Variants in MAML3 observed in about 807,000 individuals in gnomAD.
MAML3 encodes the protein mastermind like transcriptional coactivator 3, also known as mastermind-like protein 3.
In MAML3, 27 loss-of-function variants were observed where a neutral mutation model predicts 101.9. That is an observed-to-expected ratio of 0.27 (90% CI 0.20 to 0.37). The LOEUF (loss-of-function observed/expected upper bound fraction) is 0.37. Ranked by LOEUF, MAML3 falls within the 10% of genes least tolerant of loss-of-function variation. The pLI is 1.00. For missense variants in MAML3, 1,316 were observed against 1,444.9 expected (o/e 0.91, Z 1.45); for synonymous variants, 501 against 555.9 (o/e 0.90, Z 1.39).
intron 1 of MAML3, among the ~76,000 whole-genome samples, chr4:140,137,189 C>T (rs965003217): frequency 2.1e-4 from 32 of 152,028 alleles, no homozygotes; most frequent in East Asian, 9.6e-4. Flanking sequence ...GGGATTTCAC[C>T]GTGTTAGCCA....
intron 1 of MAML3, among the ~76,000 whole-genome samples, chr4:140,092,094 A>ATATACG (rs1728066951): frequency 1.5e-5 from 2 of 133,856 alleles, no homozygotes; most frequent in South Asian, 4.8e-4. Context: ...ATACGTATAT[A>ATATACG]TATATATACG....
chr4:139,772,019 C>T (rs1729996888), intron 2 of MAML3, among the ~76,000 whole-genome samples: 2 of 150,134 alleles, frequency 1.3e-5, no homozygotes, highest in Admixed American at 6.6e-5. Context: ...GTGGGCGGAT[C>T]ACGAGGTCAG....
chr4:140,104,665 G>A (rs1470768690), intron 1 of MAML3, among the ~76,000 whole-genome samples: 2 of 149,988 alleles, frequency 1.3e-5, no homozygotes, highest in Admixed American at 1.3e-4. Context: ...GTTAATTTTT[G>A]TGTTTTTTGT....
At chr4:139,806,834 G>T (rs1730708547) in intron 2 of MAML3, among the ~76,000 whole-genome samples, 1 of 152,106 alleles carries the variant, frequency 6.6e-6, no homozygotes. Flanking sequence ...ACCAAATGCT[G>T]TTGGATTTAA....
At chr4:139,778,666 T>C (rs1198466085) in intron 2 of MAML3, among the ~76,000 whole-genome samples, 1 of 152,200 alleles carries the variant, frequency 6.6e-6, no homozygotes, top group Non-Finnish European at 1.5e-5. Context: ...TATAAGGCCC[T>C]TGTGGTTCCA....
chr4:139,996,997 C>T (rs1457756185), intron 1 of MAML3, among the ~76,000 whole-genome samples: 1 of 151,630 alleles, frequency 6.6e-6, no homozygotes, highest in Non-Finnish European at 1.5e-5. Flanking sequence ...TCAGAGGTTG[C>T]AAAGAGCCAA....
intron 1 of MAML3, among the ~76,000 whole-genome samples, chr4:140,062,429 G>C (rs1445189683): frequency 6.6e-6 from 1 of 152,114 alleles, no homozygotes; most frequent in Non-Finnish European, 1.5e-5. Context: ...TCTTGGGGCA[G>C]GGCCACGCTA....
At chr4:139,775,974 A>C (rs965316846) in intron 2 of MAML3, among the ~76,000 whole-genome samples, 5 of 152,226 alleles carry the variant, frequency 3.3e-5, no homozygotes, top group African/African-American at 1.2e-4. Flanking sequence ...GCCAAATAAT[A>C]ATAAGATAAG....
chr4:140,140,195 G>A (rs1197121567), intron 1 of MAML3, among the ~76,000 whole-genome samples: 3 of 152,058 alleles, frequency 2.0e-5, no homozygotes, highest in Non-Finnish European at 4.4e-5. Context: ...ATGGTGGCAC[G>A]CACCTGTAGT....
At position 139,798,062 on chromosome 4, in the gene MAML3, AAGAAAGAAAGAAAG is replaced by A. The variant is rs904946036; in HGVS notation, c.2080-67409_2080-67396del. 1.0e-4 allele frequency among the ~76,000 whole-genome samples: 15 copies of A among 149,894 alleles called. No homozygotes were observed. The East Asian group carries it at 1.4e-3, about 14-fold the overall frequency. ...AAAGAAAGAAAGAAAGAAAGAAAGA[AAGAAAGAAAGAAAG>A]AAAGAAAGAAAGAAAGAAAAGGGAT... is the stretch of plus-strand genomic sequence containing the variant. On this transcript the variant is annotated intron_variant, in intron 2 of 4. Transcript: ENST00000509479.
At chr4:139,841,962 G>T (rs17050932) in intron 2 of MAML3, among the ~76,000 whole-genome samples, 5,735 of 152,250 alleles carry the variant, frequency 0.038, 360 homozygotes, top group African/African-American at 0.13. Context: ...TCAGGAAAGG[G>T]CTTTGACAAA....
chr4:140,124,696 C>A (rs1728658619), intron 1 of MAML3, among the ~76,000 whole-genome samples: 1 of 152,264 alleles, frequency 6.6e-6, no homozygotes, highest in African/African-American at 2.4e-5. Flanking sequence ...TTTACCAGAC[C>A]TATTTGCAAT....
chr4:139,743,822 CT>C (rs1192833784), intron 2 of MAML3, among the ~76,000 whole-genome samples: 11 of 152,154 alleles, frequency 7.2e-5, no homozygotes, highest in Non-Finnish European at 2.9e-5. Flanking sequence ...ATCTTGATTT[CT>C]TTTTTCTTTG....
chr4:140,088,436 AAC>A (rs897058128), intron 1 of MAML3, among the ~76,000 whole-genome samples: 6 of 152,152 alleles, frequency 3.9e-5, no homozygotes, highest in Non-Finnish European at 7.4e-5. Context: ...TTCTTATCTC[AAC>A]AGTTATCTCT....
At chr4:139,997,093 T>A (rs1734832269) in intron 1 of MAML3, among the ~76,000 whole-genome samples, 1 of 139,310 alleles carries the variant, frequency 7.2e-6, no homozygotes, top group Admixed American at 7.2e-5. Flanking sequence ...TAAAATAAAT[T>A]TTTTTGAGAC....
At chr4:140,116,418 C>A (rs1271534080) in intron 1 of MAML3, among the ~76,000 whole-genome samples, 1 of 152,222 alleles carries the variant, frequency 6.6e-6, no homozygotes, top group Non-Finnish European at 1.5e-5. Context: ...GAGAACATTT[C>A]TCTTGCATGT....
rs775933834 is a variant in MAML3 at position 139,890,105 on chromosome 4, G to A, written c.1331C>T (p.Ala444Val). 2 of 1,613,676 alleles carry A rather than the reference G, an allele frequency of 1.2e-6. No homozygotes were observed. The highest frequency in any genetic ancestry group is 1.7e-6 in the Non-Finnish European group (2 of 1,179,826). Residue 444 changes from alanine to valine, a missense_variant, in exon 2 of 5, where the codon GCA (alanine) becomes GTA (valine). Physicochemically the swap from Ala to Val is moderately conservative, Grantham distance 64. Transcript: ENST00000509479. The surrounding 1 kb of genome is among the most constrained non-coding windows in gnomAD (Gnocchi z 4.1). ...PGNGYLLNPA[A>V]VTVAGSASGP... is the part of the protein sequence containing the mutation. ...TGACGCTGAACCGGCCACTGTCACT[G>A]CTGCCGGATTCAGGAGATAACCATT...
intron 1 of MAML3, among the ~76,000 whole-genome samples, chr4:139,927,632 ATTAT>A (rs1051453277): frequency 2.0e-5 from 3 of 152,194 alleles, no homozygotes; most frequent in Admixed American, 2.0e-4. Context: ...TATTCTTAAA[ATTAT>A]TTATTTATAT....
chr4:139,721,159 A>C (rs1579357286), intron 4 of MAML3, among the ~76,000 whole-genome samples: 2 of 152,332 alleles, frequency 1.3e-5, no homozygotes, highest in South Asian at 2.1e-4. Flanking sequence ...TCTCTCAGCA[A>C]ATTGCTAACA....
Sources: allele counts gnomAD v4.1 joint callset (sites outside exome capture counted in the v4.1 genomes callset), GRCh38; gene constraint gnomAD v4.1.1; non-coding constraint Gnocchi (gnomAD v3.1); transcripts MANE v1.5; gene names NCBI Gene and HGNC (gene_info 2026-07-23, HGNC 2026-07-21).